Variants in VAV3 observed in about 807,000 individuals in gnomAD.
The protein encoded by VAV3 is guanine nucleotide exchange factor VAV3.
In VAV3, 94 loss-of-function variants were observed where a neutral mutation model predicts 131.2. The ratio of observed to expected loss-of-function variants is 0.72; its 90% CI spans 0.61 to 0.85. The LOEUF is 0.85. VAV3 is among the 40% of genes least tolerant of loss of function. The pLI is 0.00. For synonymous variants in VAV3, 349 were observed against 342.0 expected (o/e 1.02, Z -0.22); for missense variants, 939 against 1,002.7 (o/e 0.94, Z 0.86).
intron 15 of VAV3, among the ~76,000 whole-genome samples, chr1:107,743,352 T>G (rs2102027713): frequency 6.6e-6 from 1 of 152,184 alleles, no homozygotes; most frequent in South Asian, 2.1e-4. Context: ...AGATTTGATG[T>G]GCAGAGACTG....
intron 1 of VAV3, among the ~76,000 whole-genome samples, chr1:107,905,749 C>T (rs1481826039): frequency 2.0e-5 from 3 of 152,020 alleles, no homozygotes; most frequent in African/African-American, 7.2e-5. Flanking sequence ...TTGCTGCTGG[C>T]TTCAATATTG....
At chr1:107,809,991 T>A (rs567472490) in intron 2 of VAV3, among the ~76,000 whole-genome samples, 2 of 152,216 alleles carry the variant, frequency 1.3e-5, no homozygotes, top group African/African-American at 2.4e-5. Flanking sequence ...AAACAACACA[T>A]TTTCAGTTAT....
At chr1:107,766,597 A>G (rs760728304) in intron 7 of VAV3, 47 bp from the exon 8 acceptor site, 1 of 1,432,666 alleles carries the variant, frequency 7.0e-7, no homozygotes, top group Non-Finnish European at 9.8e-7. Flanking sequence ...TAACAACCAA[A>G]AAATACACCC....
At chr1:107,749,648 T>C in intron 13 of VAV3, 54 bp from the exon 14 acceptor site, 2 of 1,572,698 alleles carry the variant, frequency 1.3e-6, no homozygotes, top group Non-Finnish European at 1.7e-6. Flanking sequence ...ACATGGGTTA[T>C]TAATTTTTTT....
intron 22 of VAV3, among the ~76,000 whole-genome samples, chr1:107,608,251 C>T (rs1429627727): frequency 1.3e-5 from 2 of 152,068 alleles, no homozygotes; most frequent in Non-Finnish European, 1.5e-5. Flanking sequence ...CTGAATGGTT[C>T]TTAGGTACCT....
chr1:107,736,524 A>C (rs1331482555), intron 15 of VAV3, among the ~76,000 whole-genome samples: 1 of 152,218 alleles, frequency 6.6e-6, no homozygotes, highest in Non-Finnish European at 1.5e-5. Context: ...AGGATACAAA[A>C]TCAATGTGCA....
chr1:107,858,919 T>C (rs528084109), intron 2 of VAV3, among the ~76,000 whole-genome samples: 3 of 152,308 alleles, frequency 2.0e-5, no homozygotes, highest in Admixed American at 2.0e-4. Context: ...ATCAGAATTC[T>C]AACATTTTTG....
chr1:107,617,399 CAT>C (rs1226822734), intron 21 of VAV3, among the ~76,000 whole-genome samples, 166 bp downstream of exon 21: 1 of 152,038 alleles, frequency 6.6e-6, no homozygotes, highest in South Asian at 2.1e-4. Flanking sequence ...TATTAAAAAA[CAT>C]ATTCTGACAA....
chr1:107,660,548 C>T (rs1656937995), intron 19 of VAV3, among the ~76,000 whole-genome samples: 2 of 152,222 alleles, frequency 1.3e-5, no homozygotes, highest in African/African-American at 4.8e-5. Flanking sequence ...GAAGCTTTCA[C>T]TTTACACCCA....
chr1:107,713,593 A>G (rs1016175230), intron 15 of VAV3, among the ~76,000 whole-genome samples: 2 of 152,176 alleles, frequency 1.3e-5, no homozygotes, highest in Non-Finnish European at 2.9e-5. Flanking sequence ...GTACATTTAA[A>G]TAACAAGACA....
At chr1:107,627,737 T>C (rs1490347250) in intron 20 of VAV3, among the ~76,000 whole-genome samples, 1 of 152,188 alleles carries the variant, frequency 6.6e-6, no homozygotes, top group Non-Finnish European at 1.5e-5. Context: ...TAAGTAGTTT[T>C]AAAATTATTC....
At chr1:107,683,435 T>C (rs1658785812) in intron 19 of VAV3, 53 bp downstream of exon 19, 8 of 1,596,698 alleles carry the variant, frequency 5.0e-6, no homozygotes, top group South Asian at 1.1e-5. Flanking sequence ...CCATATCCTT[T>C]CATAAGCACT....
chr1:107,857,586 A>C lies in VAV3; in HGVS notation c.321+17315T>G, dbSNP rs191106372. Among the ~76,000 whole-genome samples, 118 of 152,262 alleles carry C rather than the reference A, an allele frequency of 7.7e-4. 1 individual carries two copies. The highest frequency in any genetic ancestry group is 5.0e-3 in the Admixed American group (77 of 15,290). ...AAAAAATTCCATTTCAACTCTTTTC[A>C]ATTTCTGTTTCACTGCCGTAGACCT... On this transcript the variant is annotated intron_variant, in intron 2 of 26. Transcript: ENST00000370056.
chr1:107,812,525 G>C (rs1305068707), intron 2 of VAV3, among the ~76,000 whole-genome samples: 3 of 151,886 alleles, frequency 2.0e-5, no homozygotes, highest in Non-Finnish European at 4.4e-5. Context: ...TGTGGTTCAA[G>C]TCATATATAC....
At chr1:107,683,049 A>C (rs1051807606) in intron 19 of VAV3, among the ~76,000 whole-genome samples, 2 of 152,180 alleles carry the variant, frequency 1.3e-5, no homozygotes, top group African/African-American at 4.8e-5. Context: ...TGCTATTATA[A>C]AATAGCATGG....
In VAV3 at chr1:107,865,371, A is replaced by G. The variant is rs1075564; in HGVS notation, c.321+9530T>C. Among the ~76,000 whole-genome samples, 1,606 of 152,218 alleles carry G rather than the reference A, an allele frequency of 0.011. 83 individuals are homozygous for G. The East Asian group carries it at 0.16, about 15-fold the overall frequency. On this transcript the variant is annotated intron_variant, in intron 2 of 26. Transcript: ENST00000370056. ...GTCCAGAGCTCTGGATAAAGCACAT[A>G]ATTTCAGATTTTAAGCAGTGTGTGT...
intron 2 of VAV3, among the ~76,000 whole-genome samples, chr1:107,780,454 T>G (rs1255858907): frequency 6.6e-6 from 1 of 152,186 alleles, no homozygotes; most frequent in Non-Finnish European, 1.5e-5. Flanking sequence ...TAAGATTGTC[T>G]CTTTCGAAGA....
chr1:107,880,649 AG>A (rs917972924), intron 1 of VAV3, among the ~76,000 whole-genome samples: 82 of 152,230 alleles, frequency 5.4e-4, no homozygotes, highest in African/African-American at 1.8e-3. Context: ...TACAAAGATT[AG>A]CTGGCTGTGG....
At chr1:107,745,269 C>T (rs1296695164) in intron 15 of VAV3, among the ~76,000 whole-genome samples, 2 of 151,982 alleles carry the variant, frequency 1.3e-5, no homozygotes, top group Non-Finnish European at 2.9e-5. Context: ...GATTTAAATA[C>T]ATTATTTACA....
Sources: gnomAD v4.1 joint callset for allele counts (sites outside exome capture counted in the v4.1 genomes callset) on GRCh38, gnomAD v4.1.1 for gene constraint, MANE v1.5 for transcripts, NCBI Gene and HGNC (gene_info 2026-07-23, HGNC 2026-07-21) for gene names.